The following PPP6R2 variants were observed in gnomAD, a reference collection of about 807,000 sequenced individuals.
PPP6R2 encodes serine/threonine-protein phosphatase 6 regulatory subunit 2.
PPP6R2 carries 62 observed loss-of-function variants against 100.2 expected under a neutral mutation model. The ratio of observed to expected loss-of-function variants is 0.62; its 90% confidence interval spans 0.50 to 0.76. The LOEUF (loss-of-function observed/expected upper bound fraction) is 0.76, where lower values mean the gene tolerates loss of function less well. Among genes scored for constraint, PPP6R2 ranks in the 30% least tolerant of loss-of-function variants. The probability of loss-of-function intolerance (pLI) is 0.00; values close to 1 mark genes in which losing one functional copy is unlikely to be tolerated. For missense variants in PPP6R2, 1,142 were observed against 1,276.3 expected, an observed-to-expected ratio of 0.89 and a Z score of 1.60; for synonymous variants, 525 against 514.7, an observed-to-expected ratio of 1.02 and a Z score of -0.27.
At position 50,444,120 on chromosome 22, in the gene PPP6R2, G is replaced by A. The variant is rs763922824; in HGVS notation, c.2831+3G>A. 1.1e-5 allele frequency: 18 copies of A among 1,611,970 alleles called. No individual in the cohort carries two copies. The Admixed American group carries it at 2.3e-4, about 21-fold the overall frequency. On this transcript the variant is annotated splice_donor_region_variant and intron_variant, in intron 23 of 23. Coordinates refer to ENST00000612753, the MANE Select transcript of PPP6R2 (RefSeq NM_001242898.2). Reference sequence around the variant, plus strand: ...CTGGGGACAGTGACAAAGGACGGGTGAGCAGGTTGAGTGTGGGGGTAGGGG... The same window carrying A: ...CTGGGGACAGTGACAAAGGACGGGTAAGCAGGTTGAGTGTGGGGGTAGGGG...
rs763068013 is a variant in PPP6R2 at position 50,431,223 on chromosome 22, A to G, written c.1176A>G (p.Glu392=). The change falls in exon 11 of 24, where the codon GAA becomes GAG. Residue 392 remains glutamate, a synonymous_variant. Coordinates refer to ENST00000612753, the MANE Select transcript of PPP6R2 (RefSeq NM_001242898.2). The surrounding 1 kb of genome is among the most constrained non-coding windows in gnomAD (Gnocchi z 4.8). ...TWNNFLHFQV[E]LCIAAILSHA... is the part of the protein sequence containing the mutation. ...ATAACTTTTTGCACTTCCAAGTGGAACTATGCATAGCCGCTATTCTCTCCC... is the reference window on the plus strand; with the variant it reads ...ATAACTTTTTGCACTTCCAAGTGGAGCTATGCATAGCCGCTATTCTCTCCC... 6.2e-7 allele frequency: 1 copy of G among 1,613,854 alleles called. No homozygotes were observed. Among genetic ancestry groups the G allele is most frequent in the South Asian group, 1.1e-5 (1 of 91,082 alleles).
intron 1 of PPP6R2, among the ~76,000 whole-genome samples, chr22:50,367,114 C>A (rs2048923878): frequency 6.6e-6 from 1 of 151,988 alleles, no homozygotes; most frequent in South Asian, 2.1e-4. Context: ...TCACGGGCAC[C>A]TAGAAGAATG....
chr22:50,377,123 T>C (rs1021652469), intron 2 of PPP6R2, among the ~76,000 whole-genome samples: 28 of 152,274 alleles, frequency 1.8e-4, no homozygotes, highest in African/African-American at 6.0e-4. Context: ...AAAAGGACCA[T>C]GTAGAACTTC....
intron 10 of PPP6R2, among the ~76,000 whole-genome samples, chr22:50,426,343 G>A (rs2062125882): frequency 6.6e-6 from 1 of 152,100 alleles, no homozygotes; most frequent in Non-Finnish European, 1.5e-5. Flanking sequence ...TGTGCTTTCG[G>A]TGTCATATCC....
rs549386341 is a variant in PPP6R2, at chr22:50,440,543, C to T, written c.2375-279C>T. Among the ~76,000 whole-genome samples, 193 of 152,344 alleles carry T rather than the reference C, an allele frequency of 1.3e-3. 2 individuals are homozygous for T. The highest frequency in any genetic ancestry group is 4.4e-3 in the African/African-American group (183 of 41,582). ...TTAAAGGAGCTGTGGCAGGACCACA[C>T]GAGGCGGAGTGGGCCCCTCCCTGAG... is the stretch of plus-strand genomic sequence containing the variant. On this transcript the variant is annotated intron_variant, in intron 21 of 23. Transcript: ENST00000612753.
Position 50,343,389 on chromosome 22 carries a change from C to A in PPP6R2, c.-309C>A, listed in dbSNP as rs1301845964. 1 of 151,084 alleles carries A rather than the reference C, an allele frequency of 6.6e-6. No homozygotes were observed. Among genetic ancestry groups the A allele is most frequent in the Non-Finnish European group, 1.5e-5 (1 of 67,586 alleles). The allele number at this position is 151,084 out of a possible 1,614,324, so 9.4% of individuals were successfully genotyped here. On this transcript the variant is annotated 5_prime_UTR_variant, in exon 1 of 24. Transcript: ENST00000612753. The stretch of plus-strand genomic sequence containing the variant: ...CCCGAGTCGGTCTCGAGCCGCCGGC[C>A]GGCCGTGCCGGTGTCCGTAGGCGCT...
Position 50,343,505 on chromosome 22 carries a change from A to G in PPP6R2, c.-193A>G, listed in dbSNP as rs1471368568. 1.3e-5 allele frequency: 2 copies of G among 150,798 alleles called. No homozygotes were observed. The highest frequency in any genetic ancestry group is 4.9e-5 in the African/African-American group (2 of 41,124). The allele number at this position is 150,798 out of a possible 1,614,324, so 9.3% of individuals were successfully genotyped here. A position where few individuals can be genotyped will look rare whatever the true frequency, so the allele number is the denominator to read the frequency against. ...CGCCCTGGCCTCCGCTCGGGCCTCCACACGGGCCTCCGAAGAGCTGCCGCG... is the reference window on the plus strand; with the variant it reads ...CGCCCTGGCCTCCGCTCGGGCCTCCGCACGGGCCTCCGAAGAGCTGCCGCG... On this transcript the variant is annotated 5_prime_UTR_variant, in exon 1 of 24. Transcript: ENST00000612753.
intron 1 of PPP6R2, among the ~76,000 whole-genome samples, chr22:50,346,772 C>G (rs1298437304): frequency 6.8e-6 from 1 of 148,082 alleles, no homozygotes; most frequent in Non-Finnish European, 1.5e-5. Flanking sequence ...CACTCTGCTC[C>G]CCATCAGTGT....
intron 4 of PPP6R2, among the ~76,000 whole-genome samples, chr22:50,412,550 C>T (rs1336170757): frequency 1.3e-5 from 2 of 151,324 alleles, no homozygotes; most frequent in Admixed American, 1.3e-4. Context: ...GTATAGAGAG[C>T]CTATTAATTA....
Position 50,440,021 on chromosome 22 carries a change from C to T in PPP6R2, c.2346C>T (p.Gly782=). The stretch of plus-strand genomic sequence containing the variant: ...ACACAGAATGCAGCCATGCTGAGGG[C>T]AGCCGGAGCCAAGGCCCTGAGAAAG... ...PVDTECSHAE[G]SRSQGPEKAF... is the part of the protein sequence containing the mutation. The change falls in exon 21 of 24, where the codon GGC becomes GGT. Residue 782 remains glycine (G), a synonymous_variant. Transcript: ENST00000612753. 6.2e-7 allele frequency: 1 copy of T among 1,613,360 alleles called. No individual in the cohort carries two copies. Among genetic ancestry groups the T allele is most frequent in the East Asian group, 2.2e-5 (1 of 44,886 alleles).
At chr22:50,428,749 AT>A (rs1350228692) in intron 10 of PPP6R2, among the ~76,000 whole-genome samples, 1 of 152,012 alleles carries the variant, frequency 6.6e-6, no homozygotes, top group African/African-American at 2.4e-5. Context: ...AAAAAAAAAA[AT>A]CATGTCATTT....
At chr22:50,429,191 C>T (rs145791127) in intron 10 of PPP6R2, among the ~76,000 whole-genome samples, 327 of 152,162 alleles carry the variant, frequency 2.1e-3, no homozygotes, top group East Asian at 4.6e-3. Context: ...CCACCATGCC[C>T]GGCTAATTTT....
rs2060266033 is a variant in PPP6R2, at chr22:50,414,638, G to A, written c.501G>A (p.Leu167=). The A allele has an allele frequency of 3.7e-6, 6 of 1,613,654 alleles. No homozygotes were observed. The Admixed American group carries it at 6.7e-5, about 18-fold the overall frequency. ...IGTSALMDLL[L]RLVSCVEPAG... is the part of the protein sequence containing the mutation. ...CCTCAGCGCTTATGGACCTGCTGCTGCGCCTGGTCAGCTGTGTGGAGCCAG... is the reference window on the plus strand; with the variant it reads ...CCTCAGCGCTTATGGACCTGCTGCTACGCCTGGTCAGCTGTGTGGAGCCAG... The change falls in exon 5 of 24, where the codon CTG becomes CTA. Residue 167 remains leucine (L), a synonymous_variant. Coordinates refer to ENST00000612753, the MANE Select transcript of PPP6R2 (RefSeq NM_001242898.2).
At chr22:50,382,590 T>C (rs1048064671) in intron 2 of PPP6R2, among the ~76,000 whole-genome samples, 12 of 150,682 alleles carry the variant, frequency 8.0e-5, no homozygotes, top group African/African-American at 2.9e-4. Flanking sequence ...AGTTAAAAAG[T>C]AGAATTATAA....
intron 1 of PPP6R2, among the ~76,000 whole-genome samples, chr22:50,351,816 C>T (rs910759001): frequency 2.0e-5 from 3 of 150,122 alleles, no homozygotes; most frequent in African/African-American, 7.3e-5. Context: ...TTTTTTGAAA[C>T]GGAGTCTTGC....
At chr22:50,422,065 T>C (rs1421494305) in intron 8 of PPP6R2, among the ~76,000 whole-genome samples, 189 bp from the exon 9 acceptor site, 1 of 152,114 alleles carries the variant, frequency 6.6e-6, no homozygotes, top group African/African-American at 2.4e-5. Context: ...AGGTCTTTAG[T>C]ACCTTTCTCT....
upstream of PPP6R2, among the ~76,000 whole-genome samples, chr22:50,342,779 T>C (rs1325392902): frequency 6.6e-6 from 1 of 152,192 alleles, no homozygotes; most frequent in Non-Finnish European, 1.5e-5. Context: ...CAAGAACCCG[T>C]AGCGCACCTG....
intron 1 of PPP6R2, among the ~76,000 whole-genome samples, chr22:50,368,831 T>C (rs1281111712): frequency 7.0e-6 from 1 of 143,000 alleles, no homozygotes; most frequent in Non-Finnish European, 1.5e-5. Flanking sequence ...CTAATGCTGG[T>C]GCTGTTTAGG....
intron 21 of PPP6R2, among the ~76,000 whole-genome samples, chr22:50,440,575 C>T (rs1035556669): frequency 2.6e-5 from 4 of 152,214 alleles, no homozygotes; most frequent in African/African-American, 9.7e-5. Context: ...TGAGCCTCTG[C>T]GTCCTCCTGT....
Sources: allele counts gnomAD v4.1 joint callset (sites outside exome capture counted in the v4.1 genomes callset), GRCh38; gene constraint gnomAD v4.1.1; non-coding constraint Gnocchi (gnomAD v3.1); transcripts MANE v1.5; gene names NCBI Gene and HGNC (gene_info 2026-07-23, HGNC 2026-07-21).